Variants in BCR observed in about 807,000 individuals in gnomAD.
The protein encoded by BCR is BCR activator of RhoGEF and GTPase.
A neutral mutation model predicts 138.6 loss-of-function variants in BCR; 58 were observed. The ratio of observed to expected loss-of-function variants is 0.42; its 90% CI spans 0.34 to 0.52. BCR has a LOEUF of 0.52. Ranked by LOEUF, BCR falls within the 20% of genes least tolerant of loss-of-function variation. The pLI is 0.06. For synonymous variants in BCR, 786 were observed against 730.1 expected (o/e 1.08, Z -1.23); for missense variants, 1,599 against 1,727.2 (o/e 0.93, Z 1.32).
At position 23,309,435 on chromosome 22, in the gene BCR, G is replaced by A. The variant is rs1404100510; in HGVS notation, c.3024G>A (p.Gln1008=). The A allele has an allele frequency of 6.2e-7, 1 of 1,603,026 alleles. No homozygotes were observed. The highest frequency in any genetic ancestry group is 1.7e-5 in the Admixed American group (1 of 59,102). ...CTCCTTCCTTTCAGCTGGACCCGCA[G>A]GCCCTGCAGGACAGAGACTGGCAGC... is the stretch of plus-strand genomic sequence containing the variant. ...MGKGQVQLDP[Q]ALQDRDWQRT... The change falls in exon 17 of 23, where the codon CAG becomes CAA. Residue 1008 remains glutamine (Q), a synonymous_variant. Coordinates refer to ENST00000305877, the MANE Select transcript of BCR (RefSeq NM_004327.4).
intron 4 of BCR, chr22:23,262,909 C>A: frequency 9.2e-7 from 1 of 1,091,486 alleles, no homozygotes; most frequent in Non-Finnish European, 1.1e-6. Flanking sequence ...GGAGCGAGGA[C>A]ACGCCCAAGA....
chr22:23,229,174 T>C (rs567118278), intron 1 of BCR, among the ~76,000 whole-genome samples: 30 of 152,384 alleles, frequency 2.0e-4, no homozygotes, highest in Admixed American at 1.6e-3. Flanking sequence ...TGTTTATTTT[T>C]TGGTTCTAAA....
Position 23,315,878 on chromosome 22 carries a change from C to T in BCR, c.*356C>T, listed in dbSNP as rs536910891. ...TTCTACTGGATCACTTGTCAAGATG[C>T]GCCCTCTCTGGGGAGAAGGGAACGT... is the stretch of plus-strand genomic sequence containing the variant. On this transcript the variant is annotated 3_prime_UTR_variant, in exon 23 of 23. Coordinates refer to ENST00000305877, the MANE Select transcript of BCR (RefSeq NM_004327.4). 1,553 of 429,154 alleles carry T rather than the reference C, an allele frequency of 3.6e-3. 3 individuals are homozygous for T. Among genetic ancestry groups the T allele is most frequent in the Non-Finnish European group, 5.4e-3 (1,229 of 225,612 alleles). 26.6% of individuals were successfully genotyped at this position (429,154 alleles called of 1,614,324 possible). A position where few individuals can be genotyped will look rare whatever the true frequency, so the allele number is the denominator to read the frequency against.
chr22:23,225,100 C>T (rs901971702), intron 1 of BCR, among the ~76,000 whole-genome samples: 4 of 151,890 alleles, frequency 2.6e-5, no homozygotes, highest in African/African-American at 9.7e-5. Flanking sequence ...AGATGAGCTC[C>T]CCTCTGAGAC....
intron 1 of BCR, among the ~76,000 whole-genome samples, chr22:23,240,339 G>GTC (rs2073075123): frequency 7.4e-6 from 1 of 135,788 alleles, no homozygotes; most frequent in African/African-American, 2.7e-5. Flanking sequence ...GTGTGTGTGT[G>GTC]TGTGTCTGTC....
intron 2 of BCR, among the ~76,000 whole-genome samples, chr22:23,258,117 C>T (rs2073315263): frequency 6.6e-6 from 1 of 152,162 alleles, no homozygotes; most frequent in Admixed American, 6.5e-5. Context: ...ATCTTGATGG[C>T]TGTCCCCCCC....
At chr22:23,294,781 T>A (rs1394940168) in intron 15 of BCR, among the ~76,000 whole-genome samples, 1 of 151,380 alleles carries the variant, frequency 6.6e-6, no homozygotes, top group Non-Finnish European at 1.5e-5. Context: ...GTGTAAGGAG[T>A]TTGGATTAAG....
At chr22:23,258,556 C>T (rs1456335076) in intron 2 of BCR, among the ~76,000 whole-genome samples, 1 of 152,212 alleles carries the variant, frequency 6.6e-6, no homozygotes, top group African/African-American at 2.4e-5. Context: ...ACCATGAGGC[C>T]TGAGCTGACC....
At chr22:23,190,189 CG>C (rs1187317716) in intron 1 of BCR, among the ~76,000 whole-genome samples, 3 of 151,930 alleles carry the variant, frequency 2.0e-5, no homozygotes, top group Non-Finnish European at 4.4e-5. Context: ...GTTTTTGAGA[CG>C]GAGTTTCACT....
At chr22:23,310,187 G>A in intron 17 of BCR, 137 bp from the exon 18 acceptor site, 1 of 544,564 alleles carries the variant, frequency 1.8e-6, no homozygotes, top group Non-Finnish European at 3.4e-6. Context: ...CTTCCCCGAG[G>A]GGCGGCTCCA....
At chr22:23,230,884 T>C (rs1039385635) in intron 1 of BCR, among the ~76,000 whole-genome samples, 7 of 152,140 alleles carry the variant, frequency 4.6e-5, no homozygotes, top group Non-Finnish European at 1.0e-4. Context: ...ACGCAGTTGT[T>C]TTGGACACAT....
At chr22:23,196,813 A>G (rs1316094425) in intron 1 of BCR, among the ~76,000 whole-genome samples, 1 of 152,142 alleles carries the variant, frequency 6.6e-6, no homozygotes, top group East Asian at 1.9e-4. Context: ...TAATGGAGCA[A>G]TGAGGAGCAG....
chr22:23,315,734 GT>G lies in BCR; in HGVS notation c.*218del. On this transcript the variant is annotated 3_prime_UTR_variant, in exon 23 of 23. Transcript: ENST00000305877. Reference sequence around the variant, plus strand: ...AGCCCCAGGCTGGCCTCAGACTGTGGTTTTTTATGTGGCCACCTGAGGGCGC... The same window carrying G: ...AGCCCCAGGCTGGCCTCAGACTGTGGTTTTTATGTGGCCACCTGAGGGCGC... 1 of 649,272 alleles carries G rather than the reference GT, an allele frequency of 1.5e-6. No individual in the cohort carries two copies. The highest frequency in any genetic ancestry group is 3.0e-5 in the East Asian group (1 of 33,794). 40.2% of individuals were successfully genotyped at this position (649,272 alleles called of 1,614,324 possible).
At chr22:23,236,841 T>C (rs2073031860) in intron 1 of BCR, among the ~76,000 whole-genome samples, 1 of 151,380 alleles carries the variant, frequency 6.6e-6, no homozygotes, top group Admixed American at 6.6e-5. Context: ...TACTGGCCTG[T>C]CTGGGAAGCG....
intron 16 of BCR, among the ~76,000 whole-genome samples, chr22:23,299,036 G>A (rs775617513): frequency 1.3e-5 from 2 of 152,128 alleles, no homozygotes; most frequent in Non-Finnish European, 2.9e-5. Flanking sequence ...TGGCTCTGTC[G>A]CCCAGGCTGG....
At position 23,289,627 on chromosome 22, in the gene BCR, C is replaced by T. The variant is rs1602108956; in HGVS notation, c.2707+6C>T. ...GCTGACCATCAATAAGGAAGGTGGG[C>T]CCCCCCGTTTCCGTGTACAGGGCAC... On this transcript the variant is annotated splice_donor_region_variant and intron_variant, in intron 13 of 22. Coordinates refer to ENST00000305877, the MANE Select transcript of BCR (RefSeq NM_004327.4). 6.6e-7 allele frequency: 1 copy of T among 1,523,942 alleles called. No homozygotes were observed. Among genetic ancestry groups the T allele is most frequent in the Non-Finnish European group, 8.8e-7 (1 of 1,141,214 alleles). The allele number at this position is 1,523,942 out of a possible 1,614,324, so 94.4% of individuals were successfully genotyped here.
chr22:23,203,014 C>CA (rs1289667785), intron 1 of BCR, among the ~76,000 whole-genome samples: 1 of 152,106 alleles, frequency 6.6e-6, no homozygotes, highest in African/African-American at 2.4e-5. Flanking sequence ...CACATCACTA[C>CA]ACTCATCTGT....
intron 4 of BCR, chr22:23,265,054 G>A (rs1257988637): frequency 3.3e-5 from 5 of 152,142 alleles, no homozygotes; most frequent in Non-Finnish European, 5.9e-5. Flanking sequence ...ATGGAGAATC[G>A]TGTTGTTGGG....
chr22:23,315,284 A>G (rs1161200482), intron 22 of BCR, 149 bp from the exon 23 acceptor site: 1 of 544,198 alleles, frequency 1.8e-6, no homozygotes. Context: ...ACCCCACCCC[A>G]CCCCCATCTC....
Sources: gnomAD v4.1 joint callset for allele counts (sites outside exome capture counted in the v4.1 genomes callset) on GRCh38, gnomAD v4.1.1 for gene constraint, MANE v1.5 for transcripts, NCBI Gene and HGNC (gene_info 2026-07-23, HGNC 2026-07-21) for gene names.